TAF4B: variants seen among roughly 807,000 people sequenced by gnomAD.
The protein encoded by TAF4B is TATA-box binding protein associated factor 4b, also known as transcription initiation factor TFIID subunit 4B.
A neutral mutation model predicts 86.4 loss-of-function variants in TAF4B; 38 were observed. The ratio of observed to expected loss-of-function variants is 0.44; its 90% confidence interval spans 0.34 to 0.58. TAF4B has a LOEUF of 0.58. Among genes scored for constraint, TAF4B ranks in the 20% least tolerant of loss-of-function variants. The pLI, the probability that TAF4B is intolerant of heterozygous loss-of-function variation, is 0.02. For missense variants in TAF4B, 988 were observed against 1,027.6 expected, an observed-to-expected ratio of 0.96 and a Z score of 0.53; for synonymous variants, 388 against 391.2, an observed-to-expected ratio of 0.99 and a Z score of 0.10.
chr18:26,368,546 C>T (rs2057385915), intron 14 of TAF4B, among the ~76,000 whole-genome samples: 2 of 152,178 alleles, frequency 1.3e-5, no homozygotes, highest in South Asian at 4.1e-4. Flanking sequence ...TACCAGGCTA[C>T]AGGGGACCAC....
In TAF4B at chr18:26,265,247, A is replaced by T; in HGVS notation, c.421A>T (p.Thr141Ser). 1.9e-6 allele frequency: 3 copies of T among 1,614,214 alleles called. No homozygotes were observed. The highest frequency in any genetic ancestry group is 1.1e-5 in the South Asian group (1 of 91,086). The change falls in exon 2 of 15, where the codon ACA becomes TCA. Residue 141 changes from threonine (T) to serine (S), a missense_variant. By Grantham distance (58) the Thr-to-Ser change is moderately conservative. Coordinates refer to ENST00000269142, the MANE Select transcript of TAF4B (RefSeq NM_005640.3). The stretch of plus-strand genomic sequence containing the variant: ...GCAAACTGTAACAAGAGCCGAGACC[A>T]CAAGTAACATAACCTCAAGGCCAGC... ...PQQTVTRAET[T>S]SNITSRPAVP...
At position 26,292,254 on chromosome 18, in the gene TAF4B, G is replaced by T; in HGVS notation, c.1599G>T (p.Gln533His). 6.2e-7 allele frequency: 1 copy of T among 1,613,772 alleles called. No individual in the cohort carries two copies. Among genetic ancestry groups the T allele is most frequent in the Admixed American group, 1.7e-5 (1 of 59,952 alleles). Reference sequence around the variant, plus strand: ...AGTTCTCATTGTTTCAGGTAGTTCAGCAGCCTTCAGGAGGCAATGAAAAAC... The same window carrying T: ...AGTTCTCATTGTTTCAGGTAGTTCATCAGCCTTCAGGAGGCAATGAAAAAC... The part of the protein sequence containing the change: ...QAVQVKQLVV[Q>H]QPSGGNEKQV... Residue 533 changes from glutamine to histidine, a missense_variant, in exon 8 of 15, where the codon CAG becomes CAT. Physicochemically the swap from Gln to His is conservative, Grantham distance 24. Transcript: ENST00000269142.
At chr18:26,327,703 G>A (rs957419997) in intron 12 of TAF4B, among the ~76,000 whole-genome samples, 1 of 152,148 alleles carries the variant, frequency 6.6e-6, no homozygotes, top group Non-Finnish European at 1.5e-5. Flanking sequence ...CTGAGTAGCT[G>A]GGACTACAGG....
At chr18:26,254,125 A>G (rs888385837) in intron 1 of TAF4B, among the ~76,000 whole-genome samples, 6 of 151,068 alleles carry the variant, frequency 4.0e-5, no homozygotes, top group Admixed American at 1.3e-4. Flanking sequence ...ACGGGGTTTC[A>G]CCATGTTGGC....
At chr18:26,240,246 C>T (rs1218714456) in intron 1 of TAF4B, among the ~76,000 whole-genome samples, 1 of 151,654 alleles carries the variant, frequency 6.6e-6, no homozygotes, top group Non-Finnish European at 1.5e-5. Flanking sequence ...CATTTGTGTC[C>T]TCTTTTATTT....
At chr18:26,381,853 C>T (rs1433014939) in intron 14 of TAF4B, among the ~76,000 whole-genome samples, 5 of 152,026 alleles carry the variant, frequency 3.3e-5, no homozygotes, top group African/African-American at 1.2e-4. Flanking sequence ...TATGTTCTAA[C>T]CTCCCTGATA....
intron 8 of TAF4B, among the ~76,000 whole-genome samples, chr18:26,293,147 G>A (rs2056615910): frequency 6.6e-6 from 1 of 152,104 alleles, no homozygotes; most frequent in Non-Finnish European, 1.5e-5. Context: ...TATAAGCAAT[G>A]TATTATTAAC....
intron 6 of TAF4B, among the ~76,000 whole-genome samples, chr18:26,284,969 T>G (rs2056492364): frequency 6.6e-6 from 1 of 152,090 alleles, no homozygotes; most frequent in African/African-American, 2.4e-5. Context: ...TTATTTTTAT[T>G]TAAAAAAATT....
intron 1 of TAF4B, among the ~76,000 whole-genome samples, chr18:26,247,464 C>T (rs1381420512): frequency 2.0e-5 from 3 of 152,054 alleles, no homozygotes; most frequent in African/African-American, 7.2e-5. Flanking sequence ...GCCTACCTGT[C>T]CCTATTTTTT....
chr18:26,293,976 G>A (rs983106869), intron 9 of TAF4B, among the ~76,000 whole-genome samples: 7 of 152,092 alleles, frequency 4.6e-5, no homozygotes, highest in African/African-American at 1.2e-4. Context: ...AATATTAGAC[G>A]ATGGTTCTTT....
chr18:26,275,088 G>A, intron 5 of TAF4B, 35 bp downstream of exon 5: 1 of 1,577,650 alleles, frequency 6.3e-7, no homozygotes, highest in South Asian at 1.2e-5. Context: ...AAATTCTGGA[G>A]GAATCCATAT....
rs375035232 is a variant in TAF4B, at chr18:26,267,505, C to G, written c.490-11C>G. 3.2e-5 allele frequency: 52 copies of G among 1,602,066 alleles called. No individual in the cohort carries two copies. In the South Asian group the frequency reaches 5.7e-4, roughly 18 times the overall value. The stretch of plus-strand genomic sequence containing the variant: ...TGACTTTGTGTTATCTTGCTCCCCT[C>G]CACCGCCAAGAACTCTAGCTCACAA... On this transcript the variant is annotated splice_polypyrimidine_tract_variant and intron_variant, in intron 2 of 14. Coordinates refer to ENST00000269142, the MANE Select transcript of TAF4B (RefSeq NM_005640.3).
intron 5 of TAF4B, among the ~76,000 whole-genome samples, chr18:26,276,790 A>T (rs2056389392): frequency 6.6e-6 from 1 of 152,212 alleles, no homozygotes; most frequent in African/African-American, 2.4e-5. Flanking sequence ...TGTTTCTCTG[A>T]AATGGAATAC....
At chr18:26,285,222 G>GTTTTTTTTTTTTTTTTTTATTTTTTTTT (rs776976703) in intron 6 of TAF4B, among the ~76,000 whole-genome samples, 1 of 45,660 alleles carries the variant, frequency 2.2e-5, no homozygotes, top group Non-Finnish European at 4.5e-5. Flanking sequence ...TTTTTTTTTT[G>GTTTTTTTTTTTTTTTTTTATTTTTTTTT]TTTTTTTTTT....
At chr18:26,251,117 G>A (rs566733646) in intron 1 of TAF4B, among the ~76,000 whole-genome samples, 46 of 152,236 alleles carry the variant, frequency 3.0e-4, no homozygotes, top group African/African-American at 1.1e-3. Context: ...AAATGAGAGT[G>A]GGCTTATTCT....
At chr18:26,347,043 C>T (rs2057204818) in intron 13 of TAF4B, among the ~76,000 whole-genome samples, 1 of 148,744 alleles carries the variant, frequency 6.7e-6, no homozygotes, top group Admixed American at 6.8e-5. Context: ...GCGTCAGCCT[C>T]CCAAGTAGCT....
intron 9 of TAF4B, among the ~76,000 whole-genome samples, chr18:26,307,174 A>G (rs1468406584): frequency 1.3e-5 from 2 of 152,202 alleles, no homozygotes. Context: ...GTAGCGAATA[A>G]TATTAGCTCT....
intron 12 of TAF4B, among the ~76,000 whole-genome samples, chr18:26,327,373 C>T (rs1043653545): frequency 6.6e-6 from 1 of 152,164 alleles, no homozygotes; most frequent in Non-Finnish European, 1.5e-5. Context: ...GTGCTCTCCC[C>T]ATCCTCAAAC....
chr18:26,302,386 T>TTTTTG (rs1255161785), intron 9 of TAF4B, among the ~76,000 whole-genome samples: 1 of 145,318 alleles, frequency 6.9e-6, no homozygotes, highest in African/African-American at 2.5e-5. Context: ...TTTTTTTTTT[T>TTTTTG]TTTTTTGAGA....
Sources: allele counts gnomAD v4.1 joint callset (sites outside exome capture counted in the v4.1 genomes callset), GRCh38; gene constraint gnomAD v4.1.1; transcripts MANE v1.5; gene names NCBI Gene and HGNC (gene_info 2026-07-23, HGNC 2026-07-21).